RUNX1: variants seen among roughly 807,000 people sequenced by gnomAD.
RUNX1 encodes the protein runt-related transcription factor 1.
In RUNX1, 19 loss-of-function variants were observed where a neutral mutation model predicts 42.8. The ratio of observed to expected loss-of-function variants is 0.44; its 90% confidence interval spans 0.31 to 0.65. The LOEUF is 0.65. Among genes scored for constraint, RUNX1 ranks in the 30% least tolerant of loss-of-function variants. The pLI is 0.07. For missense variants in RUNX1, 528 were observed against 672.0 expected (o/e 0.79, Z 2.37); for synonymous variants, 271 against 289.4 (o/e 0.94, Z 0.64).
At chr21:34,917,202 T>C (rs1054439081) in intron 2 of RUNX1, among the ~76,000 whole-genome samples, 2 of 151,832 alleles carry the variant, frequency 1.3e-5, no homozygotes, top group African/African-American at 2.4e-5. Flanking sequence ...AAAGAATGAG[T>C]AGGCAGAGAT....
intron 2 of RUNX1, among the ~76,000 whole-genome samples, chr21:34,948,003 T>C (rs2058577137): frequency 6.6e-6 from 1 of 151,960 alleles, no homozygotes. Context: ...TCCCCTCCTG[T>C]GGGTTTTCCG....
rs549691501 is a variant in RUNX1, at chr21:35,011,580, T to TA, written c.58+37261dup. On this transcript the variant is annotated intron_variant, in intron 2 of 8. Transcript: ENST00000675419. ...AGGGTAAGCAATAAATCTACATTAA[T>TA]AAAAAAATGCCAGGAGGGGTTTCAG... Among the ~76,000 whole-genome samples the TA allele has an allele frequency of 4.1e-3, 627 of 152,170 alleles. 2 individuals carry two copies. The highest frequency in any genetic ancestry group is 0.014 in the African/African-American group (587 of 41,522).
chr21:34,844,629 G>A (rs1029870131), intron 6 of RUNX1, among the ~76,000 whole-genome samples: 4 of 152,162 alleles, frequency 2.6e-5, no homozygotes, highest in African/African-American at 9.7e-5. Context: ...CCCCTTTCCT[G>A]GACTAGATTT....
intron 6 of RUNX1, among the ~76,000 whole-genome samples, chr21:34,840,735 T>C (rs1027425109): frequency 6.6e-6 from 1 of 152,226 alleles, no homozygotes; most frequent in African/African-American, 2.4e-5. Flanking sequence ...TCTTTCTGTG[T>C]GCTGGGGGTC....
At chr21:34,876,230 A>G (rs1430902098) in intron 5 of RUNX1, among the ~76,000 whole-genome samples, 1 of 152,228 alleles carries the variant, frequency 6.6e-6, no homozygotes, top group Non-Finnish European at 1.5e-5. Context: ...ATATGTGGGC[A>G]TACCTGATGG....
At chr21:34,806,099 A>G (rs1399034661) in intron 7 of RUNX1, among the ~76,000 whole-genome samples, 2 of 152,214 alleles carry the variant, frequency 1.3e-5, no homozygotes, top group South Asian at 4.1e-4. Context: ...AACAAATATA[A>G]AAGTTATAAA....
intron 2 of RUNX1, among the ~76,000 whole-genome samples, chr21:34,980,262 G>C (rs1001072148): frequency 1.1e-4 from 16 of 152,176 alleles, no homozygotes; most frequent in African/African-American, 3.4e-4. Flanking sequence ...AAGGCATCTT[G>C]CAAGTACCCA....
chr21:34,799,159 G>C, intron 8 of RUNX1, 142 bp downstream of exon 8: 8 of 862,624 alleles, frequency 9.3e-6, no homozygotes, highest in Non-Finnish European at 1.5e-5. Context: ...TCAGTGCATG[G>C]GCATGGGACT....
rs886057043 is a variant in RUNX1 at position 34,790,705 on chromosome 21, G to A, written c.*1430C>T. On this transcript the variant is annotated 3_prime_UTR_variant, in exon 9 of 9. Coordinates refer to ENST00000675419, the MANE Select transcript of RUNX1 (RefSeq NM_001754.5). ...TTGAGTGAGCAGCACAGGACAGGGG[G>A]TCTCGCACAGGTGGGACCATGTTTT... 2 of 233,206 alleles carry A rather than the reference G, an allele frequency of 8.6e-6. No individual in the cohort carries two copies. Among genetic ancestry groups the A allele is most frequent in the African/African-American group, 2.2e-5 (1 of 45,344 alleles). The allele number at this position is 233,206 out of a possible 1,614,324, so 14.4% of individuals were successfully genotyped here.
chr21:34,973,859 C>T (rs1481274772), intron 2 of RUNX1, among the ~76,000 whole-genome samples: 2 of 152,162 alleles, frequency 1.3e-5, no homozygotes, highest in Admixed American at 6.5e-5. Flanking sequence ...AGAAATGCAT[C>T]GCTGATATGA....
chr21:34,857,302 G>T (rs1021274892), intron 6 of RUNX1, among the ~76,000 whole-genome samples: 26 of 152,164 alleles, frequency 1.7e-4, no homozygotes, highest in African/African-American at 6.0e-4. Context: ...AACAGCAGGG[G>T]CAGAGTAAAC....
chr21:35,012,402 G>A (rs1438963650), intron 2 of RUNX1, among the ~76,000 whole-genome samples: 1 of 152,210 alleles, frequency 6.6e-6, no homozygotes, highest in East Asian at 1.9e-4. Flanking sequence ...AAAGTTTGTA[G>A]GGGATTCCAG....
intron 2 of RUNX1, among the ~76,000 whole-genome samples, chr21:34,951,998 C>A (rs1202660229): frequency 6.6e-6 from 1 of 152,084 alleles, no homozygotes; most frequent in African/African-American, 2.4e-5. Context: ...CAATAATAGA[C>A]TGGATAAAGA....
chr21:35,027,016 AAAG>A lies in RUNX1; in HGVS notation c.58+21823_58+21825del, dbSNP rs577971595. ...TCAGCATCCCAGGCTCTTTGAAAGAAAAGAAGTAGAGCGGCCCCACCCTAGAGG... is the reference window on the plus strand; with the variant it reads ...TCAGCATCCCAGGCTCTTTGAAAGAAAAGTAGAGCGGCCCCACCCTAGAGG... On this transcript the variant is annotated intron_variant, in intron 2 of 8. Transcript: ENST00000675419. Among the ~76,000 whole-genome samples the A allele has an allele frequency of 9.3e-4, 142 of 152,352 alleles. 2 individuals carry two copies. In the South Asian group the frequency reaches 0.013, roughly 14 times the overall value.
At chr21:34,965,955 CAGGG>C (rs1416358905) in intron 2 of RUNX1, among the ~76,000 whole-genome samples, 13 of 152,276 alleles carry the variant, frequency 8.5e-5, no homozygotes, top group Admixed American at 8.5e-4. Flanking sequence ...CATGCCAGGA[CAGGG>C]ATGGCTATGT....
intron 6 of RUNX1, among the ~76,000 whole-genome samples, chr21:34,838,850 G>A (rs537188298): frequency 6.6e-6 from 1 of 151,842 alleles, no homozygotes; most frequent in East Asian, 1.9e-4. Flanking sequence ...ACCATATGCT[G>A]GCTAATTTAA....
chr21:34,959,600 C>T (rs1376820594), intron 2 of RUNX1, among the ~76,000 whole-genome samples: 2 of 152,106 alleles, frequency 1.3e-5, no homozygotes, highest in Non-Finnish European at 2.9e-5. Context: ...ATAAGAAGAC[C>T]TGAACGTACT....
chr21:35,003,789 T>C (rs997878682), intron 2 of RUNX1, among the ~76,000 whole-genome samples: 2 of 152,304 alleles, frequency 1.3e-5, no homozygotes, highest in East Asian at 1.9e-4. Context: ...CTTCTTACCC[T>C]GAGACTGAAA....
At chr21:34,859,251 T>G in intron 6 of RUNX1, 1 of 588,768 alleles carries the variant, frequency 1.7e-6, no homozygotes, top group Non-Finnish European at 3.1e-6. Context: ...CAGCCTAATT[T>G]CCTTTTGCCC....
Sources: allele counts gnomAD v4.1 joint callset (sites outside exome capture counted in the v4.1 genomes callset), GRCh38; gene constraint gnomAD v4.1.1; transcripts MANE v1.5; gene names NCBI Gene and HGNC (gene_info 2026-07-23, HGNC 2026-07-21).